The following RASGRP3 variants were observed in gnomAD, a reference collection of about 807,000 sequenced individuals.
RASGRP3 encodes RAS guanyl releasing protein 3.
Under a neutral mutation model 82.7 loss-of-function variants are expected in RASGRP3, and 54 were observed. The observed-to-expected ratio is 0.65, with a 90% CI of 0.52 to 0.82. RASGRP3 has a LOEUF of 0.82. RASGRP3 is among the 40% of genes least tolerant of loss of function. The pLI, the probability that RASGRP3 is intolerant of heterozygous loss-of-function variation, is 0.00. For synonymous variants in RASGRP3, 309 were observed against 300.5 expected (o/e 1.03, Z -0.29); for missense variants, 861 against 828.9 (o/e 1.04, Z -0.48).
chr2:33,491,857 G>A (rs1319864756), intron 1 of RASGRP3, among the ~76,000 whole-genome samples: 1 of 152,260 alleles, frequency 6.6e-6, no homozygotes, highest in African/African-American at 2.4e-5. Flanking sequence ...GCCCGTGGCT[G>A]AGGCTTAGGC....
At chr2:33,524,606 T>C in intron 9 of RASGRP3, 58 bp downstream of exon 9, 1 of 1,302,320 alleles carries the variant, frequency 7.7e-7, no homozygotes, top group Middle Eastern at 1.8e-4. Flanking sequence ...ATTGTTCAGG[T>C]TTAGTATACG....
rs779328868 is a variant in RASGRP3, at chr2:33,524,545, A to G, written c.804A>G (p.Thr268=). The change falls in exon 9 of 18, where the codon ACA becomes ACG. Residue 268 remains threonine (T), a synonymous_variant. Transcript: ENST00000403687. ...ATTCTCATCTTTCTTCAGAAGTTAC[A>G]AAGGTATAGTAGACTTGATCCTAAT... ...ETHSHLSSEV[T]KNWNEMTELV... is the part of the protein sequence containing the mutation. The G allele has an allele frequency of 6.3e-7, 1 of 1,578,414 alleles. No homozygotes were observed. Among genetic ancestry groups the G allele is most frequent in the Non-Finnish European group, 8.6e-7 (1 of 1,156,894 alleles).
chr2:33,492,866 G>C (rs916634488), intron 1 of RASGRP3, among the ~76,000 whole-genome samples: 2 of 152,172 alleles, frequency 1.3e-5, no homozygotes, highest in African/African-American at 4.8e-5. Flanking sequence ...ATGGGGAGGG[G>C]AACATTCTAG....
At chr2:33,501,803 G>A (rs1390488571) in intron 1 of RASGRP3, among the ~76,000 whole-genome samples, 1 of 152,206 alleles carries the variant, frequency 6.6e-6, no homozygotes, top group African/African-American at 2.4e-5. Flanking sequence ...ATGAGACGAT[G>A]AGGTATGACC....
intron 1 of RASGRP3, among the ~76,000 whole-genome samples, chr2:33,496,991 T>C (rs1381076927): frequency 6.6e-6 from 1 of 152,246 alleles, no homozygotes; most frequent in East Asian, 1.9e-4. Context: ...CTTTAGATAC[T>C]TCAGCATTTT....
chr2:33,551,190 G>A (rs1675324819), intron 14 of RASGRP3, among the ~76,000 whole-genome samples: 1 of 152,168 alleles, frequency 6.6e-6, no homozygotes, highest in African/African-American at 2.4e-5. Context: ...GCAGGTGCCT[G>A]TAATCCTAGC....
At chr2:33,477,005 G>C (rs750957318) in intron 1 of RASGRP3, among the ~76,000 whole-genome samples, 4 of 151,574 alleles carry the variant, frequency 2.6e-5, no homozygotes, top group African/African-American at 9.7e-5. Flanking sequence ...TTGTTTCCCA[G>C]TGTTCAAGAT....
Position 33,539,172 on chromosome 2 carries a change from C to T in RASGRP3, c.1240C>T (p.Pro414Ser), listed in dbSNP as rs1274644905. 1.2e-6 allele frequency: 2 copies of T among 1,610,544 alleles called. No homozygotes were observed. Among genetic ancestry groups the T allele is most frequent in the Non-Finnish European group, 1.7e-6 (2 of 1,178,638 alleles). The change falls in exon 12 of 18, where the codon CCC (proline) becomes TCC (serine). Residue 414 changes from proline to serine, a missense_variant. Pro to Ser is a moderately conservative substitution (Grantham distance 74). Transcript: ENST00000403687. ...ATTAGGGGTGATGCCAAAGCCAGAC[C>T]CCACGGTCATCAACAAGCACATAAG... ...WALGVMPKPD[P>S]TVINKHIRKL...
chr2:33,477,794 G>A (rs1241352152), intron 1 of RASGRP3, among the ~76,000 whole-genome samples: 3 of 152,204 alleles, frequency 2.0e-5, no homozygotes, highest in Non-Finnish European at 4.4e-5. Flanking sequence ...TGAATCAGAG[G>A]CTGCAGGGAG....
intron 2 of RASGRP3, among the ~76,000 whole-genome samples, chr2:33,463,856 T>C (rs1666521058): frequency 6.6e-6 from 1 of 151,716 alleles, no homozygotes; most frequent in African/African-American, 2.4e-5. Context: ...TGCCTCGGCC[T>C]CCCGAAGTGC....
At chr2:33,536,561 CT>C (rs1010850178) in intron 11 of RASGRP3, among the ~76,000 whole-genome samples, 70 of 149,606 alleles carry the variant, frequency 4.7e-4, no homozygotes, top group Admixed American at 3.5e-3. Context: ...TTTTCAGGAT[CT>C]TTTTTTTTTC....
intron 1 of RASGRP3, among the ~76,000 whole-genome samples, chr2:33,504,722 C>G (rs150459402): frequency 2.0e-5 from 3 of 152,320 alleles, no homozygotes; most frequent in East Asian, 1.9e-4. Flanking sequence ...CATTCTCTTG[C>G]TTTTTAGAGG....
chr2:33,527,330 C>G lies in RASGRP3; in HGVS notation c.1001C>G (p.Ser334Cys). ...AACATTGTGAAAATGCACCAGCTCT[C>G]CGTTACCCTGAGTGAACTAGTCTCC... ...KVNIVKMHQLSVTLSELVSLQ... is the reference protein window; with the variant it reads ...KVNIVKMHQLCVTLSELVSLQ... The change falls in exon 10 of 18, where the codon TCC (serine) becomes TGC (cysteine). Residue 334 changes from serine to cysteine, a missense_variant. Physicochemically the swap from Ser to Cys is moderately radical, Grantham distance 112. Transcript: ENST00000403687. 1 of 1,613,930 alleles carries G rather than the reference C, an allele frequency of 6.2e-7. No individual in the cohort carries two copies. Among genetic ancestry groups the G allele is most frequent in the Non-Finnish European group, 8.5e-7 (1 of 1,179,804 alleles).
intron 2 of RASGRP3, among the ~76,000 whole-genome samples, chr2:33,469,014 A>G (rs1666888978): frequency 7.4e-6 from 1 of 135,182 alleles, no homozygotes. Context: ...CCTCCTGCCA[A>G]CACTGAGAAT....
chr2:33,558,211 A>G lies in RASGRP3; in HGVS notation c.1580A>G (p.Asp527Gly). The G allele has an allele frequency of 6.2e-7, 1 of 1,610,336 alleles. No homozygotes were observed. The highest frequency in any genetic ancestry group is 8.5e-7 in the Non-Finnish European group (1 of 1,178,356). Reference sequence around the variant, plus strand: ...CTGCGACACCCTTGGAATTTTTCAGACTGTGGAGCCAATTGTCACAAACAG... The same window carrying G: ...CTGCGACACCCTTGGAATTTTTCAGGCTGTGGAGCCAATTGTCACAAACAG... ...GIIKQGYKCK[D>G]CGANCHKQCK... The change falls in exon 16 of 18, where the codon GAC (aspartate) becomes GGC (glycine). Residue 527 changes from aspartate (D) to glycine (G), a missense_variant and splice_region_variant. By Grantham distance (94) the Asp-to-Gly change is moderately conservative. Transcript: ENST00000403687.
At chr2:33,504,185 T>G (rs1670139699) in intron 1 of RASGRP3, among the ~76,000 whole-genome samples, 1 of 152,216 alleles carries the variant, frequency 6.6e-6, no homozygotes, top group African/African-American at 2.4e-5. Context: ...CCTTACTGTC[T>G]GACACTATTG....
At chr2:33,468,016 CTTTCTTTCTTTCTT>C (rs1666818084) in intron 2 of RASGRP3, among the ~76,000 whole-genome samples, 8 of 146,754 alleles carry the variant, frequency 5.5e-5, no homozygotes, top group Admixed American at 3.4e-4. Flanking sequence ...TTCTTTCTTT[CTTTCTTTCTTTCTT>C]TCTTTCTTTC....
At chr2:33,535,009 A>T (rs1673466592) in intron 11 of RASGRP3, among the ~76,000 whole-genome samples, 1 of 152,202 alleles carries the variant, frequency 6.6e-6, no homozygotes, top group African/African-American at 2.4e-5. Flanking sequence ...AGGACCAAAA[A>T]GAAAGGAAAG....
intron 12 of RASGRP3, 55 bp from the exon 13 acceptor site, chr2:33,543,457 C>A: frequency 8.8e-7 from 1 of 1,135,572 alleles, no homozygotes; most frequent in Non-Finnish European, 1.3e-6. Context: ...TTTGCAATAA[C>A]AAGTTCAGAG....
Sources: gnomAD v4.1 joint callset for allele counts (sites outside exome capture counted in the v4.1 genomes callset) on GRCh38, gnomAD v4.1.1 for gene constraint, MANE v1.5 for transcripts, NCBI Gene and HGNC (gene_info 2026-07-23, HGNC 2026-07-21) for gene names.